The following COL5A2 variants were observed in gnomAD, a reference collection of about 807,000 sequenced individuals.
The protein encoded by COL5A2 is collagen type V alpha 2 chain.
COL5A2 carries 23 observed loss-of-function variants against 208.2 expected under a neutral mutation model. The observed-to-expected ratio is 0.11, with a 90% CI of 0.08 to 0.16. The LOEUF is 0.16. Ranked by LOEUF, COL5A2 falls within the 10% of genes least tolerant of loss-of-function variation. The probability of loss-of-function intolerance (pLI) is 1.00; values close to 1 mark genes in which losing one functional copy is unlikely to be tolerated. For missense variants in COL5A2, 1,590 were observed against 1,956.4 expected, an observed-to-expected ratio of 0.81 and a Z score of 3.53; for synonymous variants, 625 against 628.5, an observed-to-expected ratio of 0.99 and a Z score of 0.08.
chr2:189,265,785 G>A, the COL5A2 span, among the ~76,000 whole-genome samples: 80,738 of 151,930 alleles, frequency 0.53, 24,858 homozygotes, highest in East Asian at 0.72. Context: ...TTAACACTCA[G>A]AGAAGTGGCT....
At chr2:189,428,005 T>C in the COL5A2 span, among the ~76,000 whole-genome samples, 5 of 152,222 alleles carry the variant, frequency 3.3e-5, no homozygotes, top group Admixed American at 6.5e-5. Context: ...TACAGGCTCA[T>C]AGGCAGAAGG....
the COL5A2 span, among the ~76,000 whole-genome samples, chr2:189,267,639 G>T: frequency 6.6e-6 from 1 of 152,122 alleles, no homozygotes; most frequent in Admixed American, 6.6e-5. Flanking sequence ...AGCACAGTGG[G>T]GTTGATGCCT....
chr2:189,248,541 CTG>C, the COL5A2 span, among the ~76,000 whole-genome samples: 1 of 152,118 alleles, frequency 6.6e-6, no homozygotes, highest in Non-Finnish European at 1.5e-5. Context: ...TCAGTAAACA[CTG>C]TATTTCATCA....
the COL5A2 span, among the ~76,000 whole-genome samples, chr2:189,292,227 A>T: frequency 6.6e-6 from 1 of 152,206 alleles, no homozygotes; most frequent in African/African-American, 2.4e-5. Context: ...ATTAATTGAT[A>T]ATTTACTTTT....
In COL5A2 at chr2:189,036,731, C is replaced by T; in HGVS notation, c.3998G>A (p.Gly1333Glu). Residue 1333 changes from glycine to glutamate, a missense_variant, in exon 52 of 54, where the codon GGA (glycine) becomes GAA (glutamate). By Grantham distance (98) the Gly-to-Glu change is moderately conservative (BLOSUM62 -2). Transcript: ENST00000374866. ...AIKVYCNMET[G>E]ETCISANPSS... ...TGGGTTTGCTGAAATACATGTTTCT[C>T]CTGTTTCCATGTTGCAGTAAACTTT... 6.2e-7 allele frequency: 1 copy of T among 1,613,662 alleles called. No individual in the cohort carries two copies. The highest frequency in any genetic ancestry group is 8.5e-7 in the Non-Finnish European group (1 of 1,179,678).
upstream of COL5A2, among the ~76,000 whole-genome samples, chr2:189,225,481 C>T (rs576904342): frequency 6.6e-6 from 1 of 152,226 alleles, no homozygotes; most frequent in South Asian, 2.1e-4. Context: ...TTTTCACAGT[C>T]AGACTCTCAG....
chr2:189,059,625 G>A (rs1444925450), intron 31 of COL5A2, among the ~76,000 whole-genome samples: 2 of 18,366 alleles, frequency 1.1e-4, no homozygotes, highest in South Asian at 3.5e-3. Flanking sequence ...ACGTTGTCTC[G>A]CTCTATCACC....
the COL5A2 span, among the ~76,000 whole-genome samples, chr2:189,402,206 T>C: frequency 6.6e-6 from 1 of 151,940 alleles, no homozygotes; most frequent in Non-Finnish European, 1.5e-5. Context: ...TAGGTTTTTG[T>C]TGTTGTCGTT....
At chr2:189,232,881 A>T in the COL5A2 span, among the ~76,000 whole-genome samples, 1 of 151,716 alleles carries the variant, frequency 6.6e-6, no homozygotes, top group Non-Finnish European at 1.5e-5. Context: ...CTTGAGAACT[A>T]TGAGAAATAA....
At chr2:189,271,435 TG>T in the COL5A2 span, among the ~76,000 whole-genome samples, 1 of 152,150 alleles carries the variant, frequency 6.6e-6, no homozygotes, top group Non-Finnish European at 1.5e-5. Context: ...TAAATGATGT[TG>T]GGAAAACTGG....
At chr2:189,331,496 T>C in the COL5A2 span, among the ~76,000 whole-genome samples, 1 of 152,200 alleles carries the variant, frequency 6.6e-6, no homozygotes, top group Non-Finnish European at 1.5e-5. Context: ...TTTCCCTTGC[T>C]GTTCTCATGA....
intron 1 of COL5A2, among the ~76,000 whole-genome samples, chr2:189,193,016 C>T (rs1055876525): frequency 8.5e-5 from 13 of 152,222 alleles, no homozygotes; most frequent in Admixed American, 1.3e-4. Context: ...GTCTCTGTCA[C>T]CCTCTCTTGC....
chr2:189,180,402 C>T (rs959134082), upstream of COL5A2, among the ~76,000 whole-genome samples: 72 of 152,162 alleles, frequency 4.7e-4, no homozygotes, highest in Admixed American at 4.1e-3. Context: ...TTCTCCACAT[C>T]TCTTGTTAAG....
the COL5A2 span, among the ~76,000 whole-genome samples, chr2:189,239,488 G>A: frequency 9.9e-5 from 15 of 151,896 alleles, no homozygotes; most frequent in African/African-American, 2.7e-4. Context: ...CAGAGTCAGA[G>A]AGTGCGATCT....
chr2:189,365,556 G>C, the COL5A2 span, among the ~76,000 whole-genome samples: 126 of 152,226 alleles, frequency 8.3e-4, 1 homozygote, highest in African/African-American at 3.0e-3. Flanking sequence ...GCCTTAATTT[G>C]CTCATCTGTA....
chr2:189,411,915 G>A, the COL5A2 span, among the ~76,000 whole-genome samples: 3 of 152,064 alleles, frequency 2.0e-5, no homozygotes, highest in African/African-American at 2.4e-5. Flanking sequence ...ATACTAATGG[G>A]GTCAAAGACA....
At chr2:189,187,795 C>T (rs187019970) in intron 1 of COL5A2, among the ~76,000 whole-genome samples, 1 of 152,048 alleles carries the variant, frequency 6.6e-6, no homozygotes, top group East Asian at 1.9e-4. Flanking sequence ...TGGTGAGACT[C>T]CGTCTCTACT....
At chr2:189,071,403 T>C (rs1292643565) in intron 18 of COL5A2, among the ~76,000 whole-genome samples, 1 of 152,208 alleles carries the variant, frequency 6.6e-6, no homozygotes, top group Non-Finnish European at 1.5e-5. Context: ...AATCCTAATG[T>C]CCTTCTACTG....
At chr2:189,083,342 A>T (rs1478872361) in intron 12 of COL5A2, among the ~76,000 whole-genome samples, 1 of 152,144 alleles carries the variant, frequency 6.6e-6, no homozygotes, top group Non-Finnish European at 1.5e-5. Flanking sequence ...CTGGTGGAGT[A>T]GTTGCCAGGA....
Sources: gnomAD v4.1 joint callset for allele counts (sites outside exome capture counted in the v4.1 genomes callset) on GRCh38, gnomAD v4.1.1 for gene constraint, MANE v1.5 for transcripts, NCBI Gene and HGNC (gene_info 2026-07-23, HGNC 2026-07-21) for gene names.